The following RBM44 variants were observed in gnomAD, a reference collection of about 807,000 sequenced individuals.
The protein encoded by RBM44 is RNA-binding protein 44.
In RBM44, 66 loss-of-function variants were observed where a neutral mutation model predicts 105.1. The ratio of observed to expected loss-of-function variants is 0.63; its 90% CI spans 0.52 to 0.77. The LOEUF (loss-of-function observed/expected upper bound fraction) is 0.77, where lower values mean the gene tolerates loss of function less well. Ranked by LOEUF, RBM44 falls within the 30% of genes least tolerant of loss-of-function variation. The pLI is 0.00. For synonymous variants in RBM44, 365 were observed against 417.6 expected, an observed-to-expected ratio of 0.87 and a Z score of 1.54; for missense variants, 1,122 against 1,207.8, an observed-to-expected ratio of 0.93 and a Z score of 1.05.
chr2:237,801,612 C>A (rs768502012), intron 1 of RBM44, among the ~76,000 whole-genome samples: 1 of 152,150 alleles, frequency 6.6e-6, no homozygotes, highest in Non-Finnish European at 1.5e-5. Context: ...CAGTTGTGAG[C>A]CACCGCACCT....
chr2:237,806,599 C>G (rs1366658003), intron 1 of RBM44, among the ~76,000 whole-genome samples: 1 of 152,128 alleles, frequency 6.6e-6, no homozygotes, highest in East Asian at 1.9e-4. Flanking sequence ...AAGCAGAGGT[C>G]TCCCTGAGTT....
At chr2:237,830,484 A>G (rs2061892706) in intron 13 of RBM44, among the ~76,000 whole-genome samples, 2 of 151,930 alleles carry the variant, frequency 1.3e-5, no homozygotes, top group South Asian at 4.1e-4. Flanking sequence ...AATTTTTTTC[A>G]TTTATAATGT....
intron 15 of RBM44, among the ~76,000 whole-genome samples, chr2:237,839,961 G>A (rs368777336): frequency 3.3e-5 from 5 of 152,140 alleles, no homozygotes; most frequent in African/African-American, 1.2e-4. Flanking sequence ...TTGGGAGGAA[G>A]GCAAATCGCT....
intron 5 of RBM44, 33 bp downstream of exon 5, chr2:237,820,384 G>A (rs774483430): frequency 8.3e-6 from 11 of 1,323,540 alleles, no homozygotes; most frequent in African/African-American, 1.5e-5. Flanking sequence ...TTTTTTCTTA[G>A]AAATGTGTCA....
rs2061641261 is a variant in RBM44, at chr2:237,810,071, C to T, written c.-18-3521C>T. On this transcript the variant is annotated intron_variant, in intron 1 of 15. Coordinates refer to ENST00000316997, the MANE Select transcript of RBM44 (RefSeq NM_001080504.3). ...AAATTATTTTTAATGCTTTATTTAA[C>T]ACAGTATATAAAAAATATTTCAACA... Among the ~76,000 whole-genome samples, 3 of 152,264 alleles carry T rather than the reference C, an allele frequency of 2.0e-5. No homozygotes were observed. In the South Asian group the frequency reaches 6.2e-4, roughly 32 times the overall value.
rs1346735488 is a variant in RBM44, at chr2:237,813,675, C to T, written c.66C>T (p.Leu22=). The T allele has an allele frequency of 1.2e-6, 2 of 1,604,758 alleles. No homozygotes were observed. The highest frequency in any genetic ancestry group is 2.7e-5 in the African/African-American group (2 of 74,642). Residue 22 remains leucine, a synonymous_variant, in exon 2 of 16, where the codon CTC becomes CTT. Coordinates refer to ENST00000316997, the MANE Select transcript of RBM44 (RefSeq NM_001080504.3). ...GKGYHSNGGN[L]QKDKPSNPKK... ...GCTACCACAGTAATGGAGGCAACCT[C>T]CAAAAAGGTAAGGGTCTAGTCCACT...
At chr2:237,811,351 C>A (rs1427946913) in intron 1 of RBM44, among the ~76,000 whole-genome samples, 1 of 152,100 alleles carries the variant, frequency 6.6e-6, no homozygotes, top group East Asian at 1.9e-4. Flanking sequence ...CTCACTGAGC[C>A]TCAACCTCCC....
At chr2:237,830,921 C>CA (rs747488519) in intron 13 of RBM44, among the ~76,000 whole-genome samples, 4,798 of 138,390 alleles carry the variant, frequency 0.035, 71 homozygotes, top group Middle Eastern at 0.094. Flanking sequence ...CGTCTATCTA[C>CA]AAAAAAAAAA....
rs75000956 is a variant in RBM44 at position 237,809,498 on chromosome 2, T to C, written c.-18-4094T>C. Among the ~76,000 whole-genome samples, 881 of 152,310 alleles carry C rather than the reference T, an allele frequency of 5.8e-3. 4 individuals are homozygous for C. The highest frequency in any genetic ancestry group is 0.02 in the African/African-American group (837 of 41,568). On this transcript the variant is annotated intron_variant, in intron 1 of 15. Coordinates refer to ENST00000316997, the MANE Select transcript of RBM44 (RefSeq NM_001080504.3). ...CAGACAGGCATCTTTCAATATTCCA[T>C]GTCTGCATCTATTGGTCTTTCTCCT...
In RBM44 at chr2:237,817,001, T is replaced by C. The variant is rs911082088; in HGVS notation, c.82T>C (p.Ser28Pro). The C allele has an allele frequency of 6.6e-7, 1 of 1,523,522 alleles. No individual in the cohort carries two copies. Among genetic ancestry groups the C allele is most frequent in the Admixed American group, 2.2e-5 (1 of 45,382 alleles). 94.4% of individuals were successfully genotyped at this position (1,523,522 alleles called of 1,614,324 possible). The stretch of plus-strand genomic sequence containing the variant: ...ATCCTTTTTTTAATCAGATAAACCT[T>C]CAAATCCAAAGAAAGAAAATTTGTT... The part of the protein sequence containing the change: ...NGGNLQKDKP[S>P]NPKKENLLLS... Residue 28 changes from serine to proline, a missense_variant, in exon 3 of 16, where the codon TCA becomes CCA. By Grantham distance (74) the Ser-to-Pro change is moderately conservative. Around this residue, in one of 3 missense-constraint regions of RBM44, gnomAD observed 918 missense variants for 955.3 expected, o/e 0.96. Coordinates refer to ENST00000316997, the MANE Select transcript of RBM44 (RefSeq NM_001080504.3).
chr2:237,812,622 C>CT (rs1449873954), intron 1 of RBM44, among the ~76,000 whole-genome samples: 2 of 151,874 alleles, frequency 1.3e-5, no homozygotes, highest in East Asian at 3.9e-4. Context: ...AAATGAATTC[C>CT]TTTTTTTTCC....
intron 12 of RBM44, 79 bp from the exon 13 acceptor site, chr2:237,829,138 G>A (rs2061878284): frequency 3.0e-6 from 3 of 1,009,150 alleles, no homozygotes; most frequent in South Asian, 3.5e-5. Flanking sequence ...AAACGTATTT[G>A]CATCAGTAGT....
chr2:237,827,739 T>C (rs915162836), intron 12 of RBM44, among the ~76,000 whole-genome samples: 1 of 152,168 alleles, frequency 6.6e-6, no homozygotes, highest in Non-Finnish European at 1.5e-5. Flanking sequence ...AGGAGAGTTA[T>C]TGATTTTTGT....
At chr2:237,812,538 C>T (rs1029165850) in intron 1 of RBM44, among the ~76,000 whole-genome samples, 2 of 152,040 alleles carry the variant, frequency 1.3e-5, no homozygotes, top group Admixed American at 6.6e-5. Context: ...ATATCTTCTC[C>T]TTGTAGAACA....
chr2:237,834,564 A>G (rs1402284670), intron 15 of RBM44, 141 bp downstream of exon 15: 4 of 408,432 alleles, frequency 9.8e-6, no homozygotes, highest in Non-Finnish European at 1.6e-5. Flanking sequence ...TAAAACAAGC[A>G]TACTGTAATT....
rs530883097 is a variant in RBM44, at chr2:237,803,393, T to C, written c.-19+4532T>C. 1.1e-4 allele frequency among the ~76,000 whole-genome samples: 16 copies of C among 152,282 alleles called. No individual in the cohort carries two copies. Among genetic ancestry groups the C allele is most frequent in the Admixed American group, 9.8e-4 (15 of 15,286 alleles). On this transcript the variant is annotated intron_variant, in intron 1 of 15. Coordinates refer to ENST00000316997, the MANE Select transcript of RBM44 (RefSeq NM_001080504.3). This position sits in a 1 kb window ranked among gnomAD's most constrained non-coding sequence, Gnocchi z 4.2. Reference sequence around the variant, plus strand: ...CACACACACAAATTTTAAGCCATTCTAATGAATGTGAAGTGGTACCGTGGT... The same window carrying C: ...CACACACACAAATTTTAAGCCATTCCAATGAATGTGAAGTGGTACCGTGGT...
Position 237,818,599 on chromosome 2 carries a change from A to G in RBM44, c.1677+3A>G, listed in dbSNP as rs756904607. The G allele has an allele frequency of 6.7e-7, 1 of 1,489,080 alleles. No individual in the cohort carries two copies. The highest frequency in any genetic ancestry group is 1.4e-5 in the South Asian group (1 of 72,830). The allele number at this position is 1,489,080 out of a possible 1,614,324, so 92.2% of individuals were successfully genotyped here. On this transcript the variant is annotated splice_donor_region_variant and intron_variant, in intron 3 of 15. Transcript: ENST00000316997. The surrounding 1 kb of genome is among the most constrained non-coding windows in gnomAD (Gnocchi z 4.6). ...CTAATGGAAATTTTCTAAATAAGGT[A>G]AAATCAATATGAGTAATAATAAAAT... is the stretch of plus-strand genomic sequence containing the variant.
In RBM44 at chr2:237,840,297, A is replaced by C. The variant is rs149495205; in HGVS notation, c.*23-1542A>C. ...TAACAATCTGATCTTCAACGAAGTC[A>C]ACAAAAACAAGCAATGGAGAAAGGA... On this transcript the variant is annotated intron_variant, in intron 15 of 15. Coordinates refer to ENST00000316997, the MANE Select transcript of RBM44 (RefSeq NM_001080504.3). 9.9e-4 allele frequency among the ~76,000 whole-genome samples: 150 copies of C among 152,176 alleles called. 4 individuals carry two copies. Among genetic ancestry groups the C allele is most frequent in the African/African-American group, 3.3e-3 (138 of 41,548 alleles).
Position 237,821,731 on chromosome 2 carries a change from T to C in RBM44, c.2121-12T>C, listed in dbSNP as rs191848148. On this transcript the variant is annotated splice_polypyrimidine_tract_variant and intron_variant, in intron 7 of 15. Coordinates refer to ENST00000316997, the MANE Select transcript of RBM44 (RefSeq NM_001080504.3). ...ACATTAGATCATATTTCTTCTGAAA[T>C]GTTCTTTTTAGCTTTTCAGAAGCAG... 1.4e-3 allele frequency: 2,157 copies of C among 1,579,476 alleles called. 5 individuals are homozygous for C. The highest frequency in any genetic ancestry group is 2.5e-3 in the Admixed American group (150 of 59,432).
Sources: allele counts gnomAD v4.1 joint callset (sites outside exome capture counted in the v4.1 genomes callset), GRCh38; gene constraint gnomAD v4.1.1; regional missense constraint gnomAD v4.1.1; non-coding constraint Gnocchi (gnomAD v3.1); transcripts MANE v1.5; gene names NCBI Gene and HGNC (gene_info 2026-07-23, HGNC 2026-07-21).